DAPK2: variants seen among roughly 807,000 people sequenced by gnomAD.
The protein encoded by DAPK2 is death-associated protein kinase 2.
Under a neutral mutation model 44.1 loss-of-function variants are expected in DAPK2, and 35 were observed. The observed-to-expected ratio is 0.79, with a 90% CI of 0.61 to 1.05. DAPK2 has a LOEUF of 1.05. Ranked by LOEUF, DAPK2 falls within the 50% of genes least tolerant of loss-of-function variation. The pLI, the probability that DAPK2 is intolerant of heterozygous loss-of-function variation, is 0.00. For synonymous variants in DAPK2, 174 were observed against 182.6 expected, an observed-to-expected ratio of 0.95 and a Z score of 0.38; for missense variants, 453 against 483.2, an observed-to-expected ratio of 0.94 and a Z score of 0.59.
intron 4 of DAPK2, among the ~76,000 whole-genome samples, chr15:63,936,346 C>G (rs916686052): frequency 6.6e-6 from 1 of 152,156 alleles, no homozygotes; most frequent in Non-Finnish European, 1.5e-5. Flanking sequence ...CTCGCTGGCT[C>G]ACGTCGGTAA....
intron 1 of DAPK2, among the ~76,000 whole-genome samples, chr15:64,006,498 C>G (rs2079234307): frequency 6.6e-6 from 1 of 152,110 alleles, no homozygotes; most frequent in South Asian, 2.1e-4. Flanking sequence ...TCAAGAGAAG[C>G]AAGGAACTCC....
At chr15:64,040,495 G>C (rs1452864588), upstream of DAPK2, among the ~76,000 whole-genome samples, 1 of 152,070 alleles carries the variant, frequency 6.6e-6, no homozygotes, top group Non-Finnish European at 1.5e-5. Context: ...GACAGGAAAG[G>C]AGAGCTCCTC....
chr15:64,002,933 T>C, intron 1 of DAPK2, among the ~76,000 whole-genome samples: 1 of 132,706 alleles, frequency 7.5e-6, no homozygotes, highest in African/African-American at 2.9e-5. Context: ...TGTGTGTGTG[T>C]GTGTGTGTGT....
chr15:63,962,224 A>G (rs1017853983), intron 3 of DAPK2, among the ~76,000 whole-genome samples: 5 of 152,138 alleles, frequency 3.3e-5, no homozygotes, highest in African/African-American at 9.7e-5. Context: ...TACACTGTTT[A>G]TTCTAGTCAG....
intron 3 of DAPK2, among the ~76,000 whole-genome samples, chr15:63,958,077 T>C (rs2077777572): frequency 6.6e-6 from 1 of 152,348 alleles, no homozygotes; most frequent in East Asian, 1.9e-4. Context: ...TATCTCATTG[T>C]GGTTTTGATT....
chr15:63,967,518 C>G (rs182528999), intron 3 of DAPK2, among the ~76,000 whole-genome samples: 1 of 152,218 alleles, frequency 6.6e-6, no homozygotes, highest in East Asian at 1.9e-4. Context: ...TGGTGAAACC[C>G]TGTCTCTACT....
chr15:63,982,352 G>A (rs760242808), intron 2 of DAPK2, among the ~76,000 whole-genome samples: 42 of 151,886 alleles, frequency 2.8e-4, no homozygotes, highest in Non-Finnish European at 4.0e-4. Flanking sequence ...CACCACACCC[G>A]GCTAATTTTT....
At chr15:64,024,383 G>A (rs2079776987) in intron 1 of DAPK2, among the ~76,000 whole-genome samples, 1 of 152,148 alleles carries the variant, frequency 6.6e-6, no homozygotes, top group Non-Finnish European at 1.5e-5. Flanking sequence ...CAGAAAGCCT[G>A]GGTTGGGGAA....
At chr15:64,045,569 C>A (rs1215016270) in intron 1 of DAPK2, among the ~76,000 whole-genome samples, 1 of 152,212 alleles carries the variant, frequency 6.6e-6, no homozygotes, top group African/African-American at 2.4e-5. Flanking sequence ...CTTACCATTA[C>A]CTGCACGGCC....
intron 3 of DAPK2, among the ~76,000 whole-genome samples, chr15:63,942,890 C>A (rs2077348096): frequency 6.6e-6 from 1 of 152,124 alleles, no homozygotes; most frequent in African/African-American, 2.4e-5. Context: ...GCTTGTCTCC[C>A]TCTACTGGGT....
rs146681574 is a variant in DAPK2, at chr15:64,005,914, G to T, written c.93-22160C>A. On this transcript the variant is annotated intron_variant, in intron 1 of 10. Transcript: ENST00000261891. ...CTAGGCGTGTTGGCACACATTTGTA[G>T]TCCTAGCTACTTGGGAGGCTGAGGT... 6.6e-5 allele frequency among the ~76,000 whole-genome samples: 10 copies of T among 151,932 alleles called. 1 individual carries two copies. The East Asian group carries it at 9.7e-4, about 15-fold the overall frequency.
rs1384722366 is a variant in DAPK2 at position 64,020,937 on chromosome 15, C to G, written c.92+19233G>C. ...ACCCAGAGACAGAAAGTGCCTTGCCCAGGTGCATTAACGTATTGGTAGCCA... is the reference window on the plus strand; with the variant it reads ...ACCCAGAGACAGAAAGTGCCTTGCCGAGGTGCATTAACGTATTGGTAGCCA... On this transcript the variant is annotated intron_variant, in intron 1 of 10. Coordinates refer to ENST00000261891, the Ensembl canonical transcript of DAPK2. The surrounding 1 kb of genome is among the most constrained non-coding windows in gnomAD (Gnocchi z 4.5). Among the ~76,000 whole-genome samples, 1 of 152,204 alleles carries G rather than the reference C, an allele frequency of 6.6e-6. No individual in the cohort carries two copies. Among genetic ancestry groups the G allele is most frequent in the African/African-American group, 2.4e-5 (1 of 41,458 alleles).
rs943597774 is a variant in DAPK2, at chr15:63,939,795, T to C, written c.454-434A>G. On this transcript the variant is annotated intron_variant, in intron 3 of 10. Transcript: ENST00000261891. This position sits in a 1 kb window ranked among gnomAD's most constrained non-coding sequence, Gnocchi z 4.3. ...ATCCCAGCTTAGCCTCTGTTTATAC[T>C]TGGCTTACTGACCTTGGTCTTCCTG... 2.6e-5 allele frequency among the ~76,000 whole-genome samples: 4 copies of C among 152,236 alleles called. No homozygotes were observed. The highest frequency in any genetic ancestry group is 7.2e-5 in the African/African-American group (3 of 41,464).
At chr15:64,039,464 T>C (rs2141208186) in intron 1 of DAPK2, among the ~76,000 whole-genome samples, 1 of 152,340 alleles carries the variant, frequency 6.6e-6, no homozygotes, top group Non-Finnish European at 1.5e-5. Flanking sequence ...AGAGTAAAAA[T>C]AATGCCTATT....
chr15:63,925,080 G>A (rs1411161793), intron 7 of DAPK2, among the ~76,000 whole-genome samples: 2 of 152,194 alleles, frequency 1.3e-5, no homozygotes, highest in African/African-American at 4.8e-5. Context: ...GAGTGGCCTT[G>A]TTACCTACAC....
rs534658407 is a variant in DAPK2 at position 64,010,698 on chromosome 15, C to T, written c.93-26944G>A. On this transcript the variant is annotated intron_variant, in intron 1 of 10. Transcript: ENST00000261891. ...CTCATTTGTCTACCCATCCCCACTT[C>T]GGAAAACAATGGGTCAGTCTGCTAC... 1.8e-4 allele frequency among the ~76,000 whole-genome samples: 27 copies of T among 152,298 alleles called. No homozygotes were observed. In the South Asian group the frequency reaches 3.5e-3, roughly 20 times the overall value.
At chr15:64,033,570 C>T (rs1176569542) in intron 1 of DAPK2, among the ~76,000 whole-genome samples, 1 of 152,116 alleles carries the variant, frequency 6.6e-6, no homozygotes, top group Non-Finnish European at 1.5e-5. Flanking sequence ...CCTCTGTCCA[C>T]ACACACACTT....
At chr15:63,911,764 C>A (rs1007439444) in intron 10 of DAPK2, 144 bp downstream of exon 11, 1 of 817,922 alleles carries the variant, frequency 1.2e-6, no homozygotes, top group South Asian at 1.6e-5. Context: ...CTTCAGCCTT[C>A]AGGGAAGAGG....
chr15:64,016,383 T>A lies in DAPK2; in HGVS notation c.92+23787A>T, dbSNP rs901890772. On this transcript the variant is annotated intron_variant, in intron 1 of 10. Transcript: ENST00000261891. ...TTCTGGCTTTGGAGCCAAAGAGACA[T>A]GGATTTTAATCCCAGGGTGACTTGG... Among the ~76,000 whole-genome samples the A allele has an allele frequency of 2.6e-5, 4 of 152,332 alleles. No homozygotes were observed. The South Asian group carries it at 8.3e-4, about 32-fold the overall frequency.
Sources: allele counts gnomAD v4.1 joint callset (sites outside exome capture counted in the v4.1 genomes callset), GRCh38; gene constraint gnomAD v4.1.1; non-coding constraint Gnocchi (gnomAD v3.1); transcripts MANE v1.5; gene names NCBI Gene and HGNC (gene_info 2026-07-23, HGNC 2026-07-21).